ABCA13: variants seen among roughly 807,000 people sequenced by gnomAD.
The protein encoded by ABCA13 is ATP-binding cassette sub-family A member 13.
Under a neutral mutation model 478.7 loss-of-function variants are expected in ABCA13, and 476 were observed. That is an observed-to-expected ratio of 0.99 (90% CI 0.92 to 1.07). The LOEUF (loss-of-function observed/expected upper bound fraction) is 1.07, where lower values mean the gene tolerates loss of function less well. Among genes scored for constraint, ABCA13 ranks in the 50% least tolerant of loss-of-function variants. The pLI is 0.00. For missense variants in ABCA13, 6,060 were observed against 5,910.6 expected, an observed-to-expected ratio of 1.03 and a Z score of -0.83; for synonymous variants, 2,252 against 2,158.9, an observed-to-expected ratio of 1.04 and a Z score of -1.20.
intron 58 of ABCA13, among the ~76,000 whole-genome samples, chr7:48,608,365 CT>C (rs1279609266): frequency 1.3e-5 from 2 of 152,228 alleles, no homozygotes; most frequent in African/African-American, 4.8e-5. Context: ...GTTAGCCTAA[CT>C]TTACTGGCTC....
At chr7:48,246,142 C>G (rs1463190618) in intron 13 of ABCA13, 112 bp downstream of exon 13, 1 of 1,206,090 alleles carries the variant, frequency 8.3e-7, no homozygotes, top group Non-Finnish European at 1.1e-6. Context: ...GCCGTAAGCC[C>G]ACACACTTAA....
intron 48 of ABCA13, among the ~76,000 whole-genome samples, chr7:48,499,953 T>C (rs1358559338): frequency 1.3e-5 from 2 of 152,228 alleles, no homozygotes; most frequent in Non-Finnish European, 2.9e-5. Flanking sequence ...ATGTGTTTTT[T>C]ACAGCAAGGG....
chr7:48,439,956 T>C (rs1823357968), intron 42 of ABCA13, among the ~76,000 whole-genome samples: 1 of 152,106 alleles, frequency 6.6e-6, no homozygotes, highest in South Asian at 2.1e-4. Context: ...TTAGACTTCT[T>C]CCTACCAAAA....
rs369084974 is a variant in ABCA13, at chr7:48,201,941, G to A, written c.287+3581G>A. ...TGGGTTCGTGGTCTCGCTGGCTCAG[G>A]AGTGAAGCTGCAGACCTTCACGGTG... On this transcript the variant is annotated intron_variant, in intron 3 of 61. Transcript: ENST00000435803. Among the ~76,000 whole-genome samples, 222 of 152,094 alleles carry A rather than the reference G, an allele frequency of 1.5e-3. 2 individuals are homozygous for A. In the South Asian group the frequency reaches 0.027, roughly 19 times the overall value.
At chr7:48,497,274 T>G (rs2130776376) in intron 48 of ABCA13, among the ~76,000 whole-genome samples, 1 of 152,302 alleles carries the variant, frequency 6.6e-6, no homozygotes, top group Admixed American at 6.5e-5. Flanking sequence ...AGTTCTAGAA[T>G]TTTCATTCAT....
At chr7:48,472,540 A>G (rs1827610789) in intron 45 of ABCA13, among the ~76,000 whole-genome samples, 1 of 152,180 alleles carries the variant, frequency 6.6e-6, no homozygotes. Flanking sequence ...TCTCATGGCC[A>G]AGGAAGTCAA....
chr7:48,591,427 C>T (rs1292546027), intron 57 of ABCA13, among the ~76,000 whole-genome samples: 3 of 151,822 alleles, frequency 2.0e-5, no homozygotes, highest in South Asian at 2.1e-4. Context: ...CAGCACCATT[C>T]TTCTTGCTTA....
At chr7:48,508,093 T>C (rs771326857) in intron 50 of ABCA13, 44 bp downstream of exon 50, 1 of 1,612,774 alleles carries the variant, frequency 6.2e-7, no homozygotes, top group Non-Finnish European at 8.5e-7. Context: ...ACAATAGTGA[T>C]CTAAATAGTG....
intron 31 of ABCA13, among the ~76,000 whole-genome samples, chr7:48,357,694 C>T (rs781613475): frequency 1.1e-4 from 16 of 151,932 alleles, no homozygotes; most frequent in Admixed American, 2.0e-4. Flanking sequence ...GAAATTGAGA[C>T]GCTGATAGGG....
At position 48,637,381 on chromosome 7, in the gene ABCA13, C is replaced by CAAAAAAAAA. The variant is rs1156643955; in HGVS notation, c.14838-5890_14838-5882dup. Among the ~76,000 whole-genome samples the CAAAAAAAAA allele has an allele frequency of 4.4e-3, 89 of 20,240 alleles. 14 individuals are homozygous for CAAAAAAAAA. The highest frequency in any genetic ancestry group is 0.05 in the Middle Eastern group (1 of 20). The allele number at this position is 20,240 out of a possible 152,430, so 13.3% of individuals were successfully genotyped here. On this transcript the variant is annotated intron_variant, in intron 59 of 61. Coordinates refer to ENST00000435803, the MANE Select transcript of ABCA13 (RefSeq NM_152701.5). The stretch of plus-strand genomic sequence containing the variant: ...TGTTTTCTTTATTATGTTCATAAAG[C>CAAAAAAAAA]AAAAAAAAAAAAAAAAAAAAAAAAA...
Position 48,245,880 on chromosome 7 carries a change from T to A in ABCA13, c.1509T>A (p.Ala503=). The A allele has an allele frequency of 2.5e-6, 4 of 1,613,092 alleles. No homozygotes were observed. Among genetic ancestry groups the A allele is most frequent in the Non-Finnish European group, 1.7e-6 (2 of 1,179,508 alleles). The part of the protein sequence containing the change: ...WELKQMLAKN[A]VCPNGRFSEK... ...TCTTTTAGATGTTGGCGAAGAATGC[T>A]GTCTGCCCGAATGGTCGTTTCTCTG... The change falls in exon 13 of 62, where the codon GCT becomes GCA. Residue 503 remains alanine (A), a synonymous_variant. Coordinates refer to ENST00000435803, the MANE Select transcript of ABCA13 (RefSeq NM_152701.5).
At chr7:48,298,307 G>T (rs1421462314) in intron 22 of ABCA13, 59 bp from the exon 23 acceptor site, 1 of 1,472,164 alleles carries the variant, frequency 6.8e-7, no homozygotes, top group Non-Finnish European at 9.1e-7. Flanking sequence ...TTTTGTTTTC[G>T]CAGTCAGTAA....
At chr7:48,538,095 CTTTCCTTTTT>C (rs1407955205) in intron 55 of ABCA13, among the ~76,000 whole-genome samples, 1 of 130,048 alleles carries the variant, frequency 7.7e-6, no homozygotes, top group African/African-American at 2.9e-5. Context: ...TTCTTTCTTT[CTTTCCTTTTT>C]TTTTTTTTTT....
rs1188219643 is a variant in ABCA13, at chr7:48,281,325, A to G, written c.8727-18A>G. ...CATTTTTACCCTTTTATGTCATTGT[A>G]TATATTTTTTTGCTAAGTGTTGTTG... On this transcript the variant is annotated intron_variant, in intron 18 of 61. Transcript: ENST00000435803. 1.4e-5 allele frequency: 22 copies of G among 1,572,492 alleles called. No individual in the cohort carries two copies. The highest frequency in any genetic ancestry group is 1.8e-5 in the Non-Finnish European group (21 of 1,157,780).
At chr7:48,522,534 C>G (rs549261767) in intron 53 of ABCA13, among the ~76,000 whole-genome samples, 1 of 152,258 alleles carries the variant, frequency 6.6e-6, no homozygotes, top group Non-Finnish European at 1.5e-5. Flanking sequence ...TCTGCTATAC[C>G]TAGGTCCCAT....
intron 56 of ABCA13, 82 bp downstream of exon 56, chr7:48,580,456 TC>T: frequency 1.4e-6 from 2 of 1,404,608 alleles, no homozygotes; most frequent in Non-Finnish European, 2.0e-6. Flanking sequence ...GGCAGCTCTC[TC>T]ACCCTATGAG....
intron 55 of ABCA13, among the ~76,000 whole-genome samples, chr7:48,550,987 C>T (rs1785267151): frequency 6.6e-6 from 1 of 151,434 alleles, no homozygotes; most frequent in Non-Finnish European, 1.5e-5. Context: ...TTTTTTCTCT[C>T]TTGACTTATT....
intron 55 of ABCA13, among the ~76,000 whole-genome samples, chr7:48,568,831 A>C (rs1787329888): frequency 6.6e-6 from 1 of 150,830 alleles, no homozygotes. Context: ...ATCTGTTTAG[A>C]TTTTCTTTTT....
chr7:48,312,248 T>C (rs775758639), intron 24 of ABCA13, among the ~76,000 whole-genome samples: 1 of 152,184 alleles, frequency 6.6e-6, no homozygotes, highest in Non-Finnish European at 1.5e-5. Context: ...GAAAATTCAA[T>C]ATCCAAATGA....
Sources: gnomAD v4.1 joint callset for allele counts (sites outside exome capture counted in the v4.1 genomes callset) on GRCh38, gnomAD v4.1.1 for gene constraint, MANE v1.5 for transcripts, NCBI Gene and HGNC (gene_info 2026-07-23, HGNC 2026-07-21) for gene names.